TRIM2: variants seen among roughly 807,000 people sequenced by gnomAD.
TRIM2 encodes the protein tripartite motif-containing protein 2.
TRIM2 carries 20 observed loss-of-function variants against 75.2 expected under a neutral mutation model. The ratio of observed to expected loss-of-function variants is 0.27; its 90% CI spans 0.19 to 0.39. TRIM2 has a LOEUF of 0.39. Among genes scored for constraint, TRIM2 ranks in the 10% least tolerant of loss-of-function variants. The probability of loss-of-function intolerance (pLI) is 1.00; values close to 1 mark genes in which losing one functional copy is unlikely to be tolerated. For synonymous variants in TRIM2, 373 were observed against 388.3 expected, an observed-to-expected ratio of 0.96 and a Z score of 0.46; for missense variants, 660 against 990.8, an observed-to-expected ratio of 0.67 and a Z score of 4.48.
chr4:153,163,794 G>A (rs1238307989), intron 1 of TRIM2, among the ~76,000 whole-genome samples: 1 of 151,838 alleles, frequency 6.6e-6, no homozygotes, highest in Non-Finnish European at 1.5e-5. Flanking sequence ...GAGCCACCGT[G>A]CTCAGCCGAT....
chr4:153,324,803 G>C (rs1769799037), intron 10 of TRIM2, among the ~76,000 whole-genome samples: 1 of 152,152 alleles, frequency 6.6e-6, no homozygotes, highest in Non-Finnish European at 1.5e-5. Context: ...GCTTCTCAAG[G>C]TGTGATGCAT....
chr4:153,226,437 G>A (rs1428988443), intron 1 of TRIM2, among the ~76,000 whole-genome samples: 2 of 152,164 alleles, frequency 1.3e-5, no homozygotes, highest in Non-Finnish European at 2.9e-5. Flanking sequence ...GCAGTAAAAC[G>A]AACTAACCTA....
chr4:153,239,541 A>C (rs1406239845), intron 1 of TRIM2, among the ~76,000 whole-genome samples: 2 of 152,148 alleles, frequency 1.3e-5, no homozygotes, highest in Admixed American at 6.5e-5. Context: ...ATACTGCTTC[A>C]CATCCCCTTT....
At chr4:153,272,553 C>T (rs1756971961) in intron 2 of TRIM2, among the ~76,000 whole-genome samples, 1 of 152,122 alleles carries the variant, frequency 6.6e-6, no homozygotes, top group Non-Finnish European at 1.5e-5. Flanking sequence ...GTGGCACAAT[C>T]ACAGTTCACT....
chr4:153,279,259 G>A (rs929925994), intron 3 of TRIM2, among the ~76,000 whole-genome samples: 37 of 152,174 alleles, frequency 2.4e-4, no homozygotes, highest in African/African-American at 8.7e-4. Context: ...AAAAAGGCCT[G>A]TGCTAAAGTC....
At chr4:153,298,319 T>C (rs1210057152) in intron 6 of TRIM2, among the ~76,000 whole-genome samples, 3 of 152,204 alleles carry the variant, frequency 2.0e-5, no homozygotes, top group Non-Finnish European at 2.9e-5. Flanking sequence ...TTTCTCACAG[T>C]TCTGAAAAAC....
chr4:153,257,419 G>C (rs1287910671), intron 1 of TRIM2: 31 of 1,184,702 alleles, frequency 2.6e-5, no homozygotes, highest in Non-Finnish European at 3.1e-5. Context: ...TGTCCTGTAA[G>C]ATCAAGACCG....
In TRIM2 at chr4:153,218,034, T is replaced by C. The variant is rs959793006; in HGVS notation, c.30+13474T>C. Among the ~76,000 whole-genome samples the C allele has an allele frequency of 3.9e-5, 6 of 152,382 alleles. No homozygotes were observed. The South Asian group carries it at 1.2e-3, about 32-fold the overall frequency. On this transcript the variant is annotated intron_variant, in intron 1 of 11. Coordinates refer to ENST00000338700, the MANE Select transcript of TRIM2 (RefSeq NM_015271.5). The stretch of plus-strand genomic sequence containing the variant: ...ATAACACTGCTGGTGAATATGTGTA[T>C]CTTAATTTCATGCATTGCTAATGAG...
In TRIM2 at chr4:153,338,631, G is replaced by A; in HGVS notation, c.*3665G>A. ...GTTTGGTATAAATAAAGAATTATTT[G>A]TTTTGTTTTCAATGACAGTAAGCTA... is the stretch of plus-strand genomic sequence containing the variant. On this transcript the variant is annotated 3_prime_UTR_variant, in exon 12 of 12. Transcript: ENST00000338700. 1.0e-6 allele frequency: 1 copy of A among 985,520 alleles called. No homozygotes were observed. Among genetic ancestry groups the A allele is most frequent in the Non-Finnish European group, 1.2e-6 (1 of 829,698 alleles). The allele number at this position is 985,520 out of a possible 1,614,324, so 61.0% of individuals were successfully genotyped here. A position where few individuals can be genotyped will look rare whatever the true frequency, so the allele number is the denominator to read the frequency against.
chr4:153,256,387 T>C (rs1322389756), intron 1 of TRIM2, among the ~76,000 whole-genome samples: 2 of 152,240 alleles, frequency 1.3e-5, no homozygotes, highest in African/African-American at 4.8e-5. Context: ...TAAATATTAA[T>C]GTAATCAAAT....
chr4:153,335,494 G>A lies in TRIM2; in HGVS notation c.*528G>A. On this transcript the variant is annotated 3_prime_UTR_variant, in exon 12 of 12. Transcript: ENST00000338700. ...CTAAATATAAATTACTTTGGAAAAA[G>A]TAAGGCTGTCTTGCAAAATGATCCC... The A allele has an allele frequency of 1.0e-6, 1 of 985,368 alleles. No homozygotes were observed. The highest frequency in any genetic ancestry group is 1.2e-6 in the Non-Finnish European group (1 of 829,910). 61.0% of individuals were successfully genotyped at this position (985,368 alleles called of 1,614,324 possible). A position where few individuals can be genotyped will look rare whatever the true frequency, so the allele number is the denominator to read the frequency against.
intron 1 of TRIM2, among the ~76,000 whole-genome samples, chr4:153,221,762 ATAAGGAAGGAAG>A (rs1740099731): frequency 1.2e-5 from 1 of 81,966 alleles, no homozygotes; most frequent in African/African-American, 7.0e-5. Flanking sequence ...GAGGGAGGAA[ATAAGGAAGGAAG>A]GAAAGAAGAA....
intron 1 of TRIM2, among the ~76,000 whole-genome samples, chr4:153,208,650 T>C (rs1736112006): frequency 6.6e-6 from 1 of 152,112 alleles, no homozygotes; most frequent in Non-Finnish European, 1.5e-5. Flanking sequence ...TCTCCAGTTC[T>C]TGTTTTCCTC....
At chr4:153,238,279 GT>G (rs757280020) in intron 1 of TRIM2, among the ~76,000 whole-genome samples, 5 of 152,144 alleles carry the variant, frequency 3.3e-5, no homozygotes, top group Admixed American at 6.5e-5. Context: ...GTTCTCAGTT[GT>G]TTACATGTTT....
chr4:153,204,799 C>T (rs955750645), intron 1 of TRIM2, among the ~76,000 whole-genome samples: 1 of 152,110 alleles, frequency 6.6e-6, no homozygotes, highest in African/African-American at 2.4e-5. Flanking sequence ...GGATTTGACA[C>T]CAAAGCAACA....
At chr4:153,242,349 T>G (rs1578856870) in intron 1 of TRIM2, among the ~76,000 whole-genome samples, 1 of 151,438 alleles carries the variant, frequency 6.6e-6, no homozygotes, top group East Asian at 1.9e-4. Flanking sequence ...TTCCCAGGAG[T>G]CTGCCTTCTC....
intron 8 of TRIM2, among the ~76,000 whole-genome samples, chr4:153,321,885 C>A (rs1769068694): frequency 6.6e-6 from 1 of 152,060 alleles, no homozygotes; most frequent in African/African-American, 2.4e-5. Context: ...TAGGAGTTGT[C>A]GAGTTGTCAT....
At chr4:153,285,099 G>T (rs910977022) in intron 3 of TRIM2, among the ~76,000 whole-genome samples, 2 of 152,068 alleles carry the variant, frequency 1.3e-5, no homozygotes, top group African/African-American at 4.8e-5. Flanking sequence ...TATGTATCTT[G>T]AGTTAATTTT....
chr4:153,263,409 C>A (rs932304310), intron 1 of TRIM2, among the ~76,000 whole-genome samples: 1 of 152,156 alleles, frequency 6.6e-6, no homozygotes, highest in Non-Finnish European at 1.5e-5. Flanking sequence ...TGACCGGCAA[C>A]AACCACACTC....
Sources: gnomAD v4.1 joint callset for allele counts (sites outside exome capture counted in the v4.1 genomes callset) on GRCh38, gnomAD v4.1.1 for gene constraint, MANE v1.5 for transcripts, NCBI Gene and HGNC (gene_info 2026-07-23, HGNC 2026-07-21) for gene names.